The following WDR7 variants were observed in gnomAD, a reference collection of about 807,000 sequenced individuals.
WDR7 encodes the protein WD repeat-containing protein 7.
WDR7 carries 46 observed loss-of-function variants against 169.4 expected under a neutral mutation model. That is an observed-to-expected ratio of 0.27 (90% CI 0.21 to 0.35). The LOEUF (loss-of-function observed/expected upper bound fraction) is 0.35. WDR7 is among the 10% of genes least tolerant of loss of function. WDR7 has a pLI of 1.00. For synonymous variants in WDR7, 612 were observed against 666.8 expected, an observed-to-expected ratio of 0.92 and a Z score of 1.27; for missense variants, 1,534 against 1,859.3, an observed-to-expected ratio of 0.83 and a Z score of 3.22.
intron 21 of WDR7, among the ~76,000 whole-genome samples, chr18:56,904,023 T>A (rs1468923877): frequency 2.0e-5 from 3 of 152,138 alleles, no homozygotes; most frequent in Non-Finnish European, 4.4e-5. Flanking sequence ...AGTTGATGGA[T>A]TGATAAATTT....
At chr18:56,761,381 G>A (rs1390339398) in intron 16 of WDR7, among the ~76,000 whole-genome samples, 1 of 152,088 alleles carries the variant, frequency 6.6e-6, no homozygotes, top group East Asian at 1.9e-4. Context: ...GTCTAGCCTT[G>A]TGTCTTAATT....
At chr18:56,876,840 A>C (rs751680634) in intron 20 of WDR7, among the ~76,000 whole-genome samples, 2 of 152,144 alleles carry the variant, frequency 1.3e-5, no homozygotes, top group Non-Finnish European at 2.9e-5. Context: ...GCAGAAATTA[A>C]TAAGATAGAA....
At chr18:56,946,941 G>A (rs1172394078) in intron 25 of WDR7, among the ~76,000 whole-genome samples, 1 of 152,146 alleles carries the variant, frequency 6.6e-6, no homozygotes, top group African/African-American at 2.4e-5. Context: ...TTAACTAGCT[G>A]TATTAATGTT....
intron 14 of WDR7, among the ~76,000 whole-genome samples, chr18:56,734,018 C>T (rs1014057521): frequency 6.6e-6 from 1 of 152,062 alleles, no homozygotes; most frequent in Non-Finnish European, 1.5e-5. Flanking sequence ...CTTTGCCATT[C>T]CCTCATAACT....
At chr18:56,752,961 G>A (rs572329892) in intron 14 of WDR7, among the ~76,000 whole-genome samples, 123 of 152,324 alleles carry the variant, frequency 8.1e-4, no homozygotes, top group Non-Finnish European at 1.5e-3. Flanking sequence ...CAAGTGGTTT[G>A]ATTTGGCAGA....
At chr18:56,942,013 G>A (rs1022513764) in intron 25 of WDR7, among the ~76,000 whole-genome samples, 1 of 152,126 alleles carries the variant, frequency 6.6e-6, no homozygotes, top group African/African-American at 2.4e-5. Context: ...TTTTGTCACT[G>A]GTAGGTGGAG....
chr18:56,760,906 A>G (rs1371444561), intron 16 of WDR7, among the ~76,000 whole-genome samples: 3 of 152,356 alleles, frequency 2.0e-5, no homozygotes, highest in Non-Finnish European at 1.5e-5. Context: ...CACTTTAGCC[A>G]TTTTGATATG....
In WDR7 at chr18:56,691,248, T is replaced by C. The variant is rs780376518; in HGVS notation, c.750T>C (p.Cys250=). 66 of 1,610,892 alleles carry C rather than the reference T, an allele frequency of 4.1e-5. 1 individual carries two copies. The Middle Eastern group carries it at 2.1e-3, about 52-fold the overall frequency. The part of the protein sequence containing the change: ...VFDAGDYSLL[C]SGPSENGQTW... ...ATGCCGGAGACTATTCCTTGTTGTG[T>C]TCAGGTCCTAGTGAAAATGGACAGA... The change falls in exon 8 of 28, where the codon TGT becomes TGC. Residue 250 remains cysteine (C), a synonymous_variant. Transcript: ENST00000254442.
intron 19 of WDR7, among the ~76,000 whole-genome samples, chr18:56,806,120 A>G (rs1195785736): frequency 6.6e-6 from 1 of 152,154 alleles, no homozygotes; most frequent in African/African-American, 2.4e-5. Context: ...ATTTTTCTCC[A>G]TATGTGAACT....
chr18:56,674,735 C>G (rs1464866943), intron 2 of WDR7, among the ~76,000 whole-genome samples: 1 of 152,050 alleles, frequency 6.6e-6, no homozygotes, highest in Non-Finnish European at 1.5e-5. Flanking sequence ...ATCTAAGAAA[C>G]CGTTGCTAAA....
intron 14 of WDR7, among the ~76,000 whole-genome samples, chr18:56,752,491 A>G (rs17682973): frequency 0.016 from 2,444 of 152,228 alleles, 25 homozygotes; most frequent in Non-Finnish European, 0.022. Flanking sequence ...TTATGTACGC[A>G]TCATCATCTG....
chr18:56,962,571 G>A (rs1354736182), intron 26 of WDR7, 42 bp downstream of exon 26: 1 of 1,578,996 alleles, frequency 6.3e-7, no homozygotes, highest in Non-Finnish European at 8.7e-7. Context: ...AAGCGTGGAA[G>A]TTATTGAAAG....
In WDR7 at chr18:56,681,541, T is replaced by A. The variant is rs923013011; in HGVS notation, c.345+150T>A. 7.8e-6 allele frequency: 4 copies of A among 512,048 alleles called. No individual in the cohort carries two copies. The African/African-American group carries it at 8.1e-5, about 10-fold the overall frequency. 31.7% of individuals were successfully genotyped at this position (512,048 alleles called of 1,614,324 possible). On this transcript the variant is annotated intron_variant, in intron 4 of 27. Coordinates refer to ENST00000254442, the MANE Select transcript of WDR7 (RefSeq NM_015285.3). ...ACTAGAATTGAAGCGGTAAAAGTGT[T>A]CCTCGTAAGATGGTACAGTTGGGAG...
intron 1 of WDR7, among the ~76,000 whole-genome samples, chr18:56,653,762 A>T (rs2024707508): frequency 6.6e-6 from 1 of 152,176 alleles, no homozygotes; most frequent in African/African-American, 2.4e-5. Context: ...CATCTACTAC[A>T]GTTTATCTGT....
At chr18:57,025,171 C>T (rs528025338) in intron 27 of WDR7, among the ~76,000 whole-genome samples, 22 of 152,146 alleles carry the variant, frequency 1.4e-4, no homozygotes, top group Non-Finnish European at 2.6e-4. Context: ...GCATTATATG[C>T]CCCTTGCATT....
intron 13 of WDR7, among the ~76,000 whole-genome samples, chr18:56,721,139 T>G (rs1168043945): frequency 1.3e-5 from 2 of 152,158 alleles, no homozygotes; most frequent in Non-Finnish European, 2.9e-5. Context: ...ATACTTGATC[T>G]CTCTTGTTAG....
At chr18:57,032,147 G>A (rs1044260852), downstream of WDR7, 1 of 152,204 alleles carries the variant, frequency 6.6e-6, no homozygotes, top group Non-Finnish European at 1.5e-5. Flanking sequence ...GAAACTGGTT[G>A]GTTGTGGCTG....
intron 20 of WDR7, among the ~76,000 whole-genome samples, chr18:56,858,261 T>A (rs927160904): frequency 1.3e-5 from 2 of 152,180 alleles, no homozygotes; most frequent in African/African-American, 4.8e-5. Context: ...TAATAGCTCC[T>A]CTTTTCCATG....
intron 20 of WDR7, among the ~76,000 whole-genome samples, chr18:56,877,399 A>G (rs1252614470): frequency 6.6e-6 from 1 of 152,230 alleles, no homozygotes; most frequent in Non-Finnish European, 1.5e-5. Context: ...TGCAGACTTA[A>G]TAGTTTTAGA....
Sources: gnomAD v4.1 joint callset for allele counts (sites outside exome capture counted in the v4.1 genomes callset) on GRCh38, gnomAD v4.1.1 for gene constraint, MANE v1.5 for transcripts, NCBI Gene and HGNC (gene_info 2026-07-23, HGNC 2026-07-21) for gene names.